HEXB: variants seen among roughly 807,000 people sequenced by gnomAD.
The protein encoded by HEXB is beta-hexosaminidase subunit beta.
Under a neutral mutation model 71.2 loss-of-function variants are expected in HEXB, and 51 were observed. The ratio of observed to expected loss-of-function variants is 0.72; its 90% confidence interval spans 0.57 to 0.90. HEXB has a LOEUF of 0.90. Ranked by LOEUF, HEXB falls within the 40% of genes least tolerant of loss-of-function variation. The pLI, the probability that HEXB is intolerant of heterozygous loss-of-function variation, is 0.00. For synonymous variants in HEXB, 266 were observed against 249.3 expected (o/e 1.07, Z -0.63); for missense variants, 617 against 677.0 (o/e 0.91, Z 0.98).
intron 6 of HEXB, among the ~76,000 whole-genome samples, chr5:74,709,047 G>A (rs1350712053): frequency 6.6e-6 from 1 of 151,242 alleles, no homozygotes; most frequent in African/African-American, 2.4e-5. Context: ...TGGAAGTAAA[G>A]CTCTCCTCAG....
upstream of HEXB, chr5:74,685,149 C>G (rs544753199): frequency 2.7e-5 from 32 of 1,204,648 alleles, no homozygotes; most frequent in East Asian, 8.8e-4. Context: ...CGCGCGCAGT[C>G]ATCTGACTCG....
intron 1 of HEXB, among the ~76,000 whole-genome samples, chr5:74,670,061 G>A (rs1257738432): frequency 6.6e-6 from 1 of 152,184 alleles, no homozygotes; most frequent in Non-Finnish European, 1.5e-5. Flanking sequence ...AAGCCTGAAA[G>A]CCAAGGTACT....
chr5:74,642,448 G>T (rs1427027529), intron 1 of HEXB, among the ~76,000 whole-genome samples: 1 of 152,154 alleles, frequency 6.6e-6, no homozygotes, highest in African/African-American at 2.4e-5. Flanking sequence ...CCAGAGATAG[G>T]TGCTGAAAAG....
At chr5:74,665,646 T>C (rs1327073993) in intron 1 of HEXB, among the ~76,000 whole-genome samples, 1 of 152,232 alleles carries the variant, frequency 6.6e-6, no homozygotes, top group Non-Finnish European at 1.5e-5. Flanking sequence ...TGAAATCATA[T>C]CTTCAGAAAG....
upstream of HEXB, among the ~76,000 whole-genome samples, chr5:74,681,347 C>T (rs58050228): frequency 5.9e-3 from 904 of 152,176 alleles, 3 homozygotes; most frequent in African/African-American, 0.021. Context: ...CTAAACATCA[C>T]GTAATGCACA....
rs137915238 is a variant in HEXB, at chr5:74,718,802, G to A, written c.1248G>A (p.Ala416=). 6.7e-4 allele frequency: 1,080 copies of A among 1,613,830 alleles called. No individual in the cohort carries two copies. Among genetic ancestry groups the A allele is most frequent in the Non-Finnish European group, 8.4e-4 (990 of 1,179,954 alleles). Residue 416 remains alanine (A), a synonymous_variant, in exon 11 of 14, where the codon GCG becomes GCA. Transcript: ENST00000261416. ...GCAATTTGTAACGTTAATAGCTTGC[G>A]CCGGGCACAATAGTTGAAGTATGGA... is the stretch of plus-strand genomic sequence containing the variant. ...QEVFDDKAKL[A]PGTIVEVWKD...
chr5:74,720,332 C>A, intron 11 of HEXB, 96 bp from the exon 12 acceptor site: 1 of 939,928 alleles, frequency 1.1e-6, no homozygotes. Flanking sequence ...AGAAATGTTG[C>A]CCTAGGATAA....
In HEXB at chr5:74,696,714, T is replaced by A; in HGVS notation, c.533T>A (p.Leu178Ter). The change falls in exon 4 of 14, where the codon TTA becomes TAA. Residue 178 changes from leucine to a stop codon, truncating the protein, a stop_gained. Coordinates refer to ENST00000261416, the MANE Select transcript of HEXB (RefSeq NM_000521.4). LOFTEE classifies it high-confidence loss of function. ...TCAGGTTTAGAGACCTTTAGCCAGT[T>A]AGTTTATCAAGATTCTTATGGAACT... ...ALRGLETFSQ[L>*]VYQDSYGTFT... The A allele has an allele frequency of 6.9e-7, 1 of 1,447,312 alleles. No individual in the cohort carries two copies. Among genetic ancestry groups the A allele is most frequent in the Non-Finnish European group, 9.7e-7 (1 of 1,029,068 alleles). The allele number at this position is 1,447,312 out of a possible 1,614,324, so 89.7% of individuals were successfully genotyped here.
intron 1 of HEXB, among the ~76,000 whole-genome samples, chr5:74,661,503 TTC>T (rs59304966): frequency 0.047 from 5,192 of 109,478 alleles, 183 homozygotes; most frequent in East Asian, 0.17. Flanking sequence ...TGAATTCATT[TTC>T]TCTCTCTCTG....
chr5:74,666,445 C>T (rs1414462573), intron 1 of HEXB, among the ~76,000 whole-genome samples: 1 of 152,198 alleles, frequency 6.6e-6, no homozygotes, highest in Non-Finnish European at 1.5e-5. Flanking sequence ...GATTGGAGGC[C>T]TGGTTGTCAT....
At chr5:74,701,572 G>A (rs1749261506) in intron 5 of HEXB, among the ~76,000 whole-genome samples, 1 of 151,600 alleles carries the variant, frequency 6.6e-6, no homozygotes, top group African/African-American at 2.4e-5. Flanking sequence ...TATCTTCTTG[G>A]GCCAGTACAT....
intron 9 of HEXB, 80 bp from the exon 10 acceptor site, chr5:74,718,211 C>T (rs1009210782): frequency 2.2e-5 from 22 of 1,010,884 alleles, no homozygotes; most frequent in Non-Finnish European, 3.4e-5. Flanking sequence ...TGCAAGAAAT[C>T]CTTGGTAGAA....
chr5:74,699,845 C>CCAA (rs1749218093), intron 5 of HEXB, among the ~76,000 whole-genome samples: 1 of 151,894 alleles, frequency 6.6e-6, no homozygotes, highest in Non-Finnish European at 1.5e-5. Flanking sequence ...ATATGCTTGG[C>CCAA]CAACAGTGTG....
intron 1 of HEXB, among the ~76,000 whole-genome samples, chr5:74,659,463 C>A (rs16872156): frequency 6.6e-6 from 1 of 152,064 alleles, no homozygotes; most frequent in Non-Finnish European, 1.5e-5. Flanking sequence ...AGCGGGGAAG[C>A]CACAGGTGAT....
intron 1 of HEXB, among the ~76,000 whole-genome samples, chr5:74,662,359 ATTTTG>A (rs1475209905): frequency 6.6e-6 from 1 of 152,196 alleles, no homozygotes; most frequent in Non-Finnish European, 1.5e-5. Flanking sequence ...TTCTTTGCCC[ATTTTG>A]TTTTGAGTTA....
At chr5:74,677,532 C>G (rs1448508972) in intron 1 of HEXB, among the ~76,000 whole-genome samples, 8 of 133,758 alleles carry the variant, frequency 6.0e-5, no homozygotes, top group Non-Finnish European at 9.3e-5. Flanking sequence ...TCTCAGAGGT[C>G]CATGCCAAGT....
chr5:74,710,963 G>T (rs1432661691), intron 6 of HEXB, among the ~76,000 whole-genome samples: 1 of 151,816 alleles, frequency 6.6e-6, no homozygotes, highest in Admixed American at 6.6e-5. Context: ...CCAAAAAAGA[G>T]CCCACATTAC....
At chr5:74,714,067 C>T (rs981003739) in intron 7 of HEXB, among the ~76,000 whole-genome samples, 1 of 152,232 alleles carries the variant, frequency 6.6e-6, no homozygotes, top group Admixed American at 6.5e-5. Flanking sequence ...GATCTCCCCT[C>T]CTCATGATCG....
intron 1 of HEXB, among the ~76,000 whole-genome samples, chr5:74,649,583 T>C (rs778348068): frequency 1.3e-5 from 2 of 152,346 alleles, no homozygotes; most frequent in South Asian, 4.1e-4. Flanking sequence ...TTCTCTGGAA[T>C]GCCAGCCTTG....
Sources: allele counts gnomAD v4.1 joint callset (sites outside exome capture counted in the v4.1 genomes callset), GRCh38; gene constraint gnomAD v4.1.1; transcripts MANE v1.5; gene names NCBI Gene and HGNC (gene_info 2026-07-23, HGNC 2026-07-21).